Variants in DENND1B observed in about 807,000 individuals in gnomAD.
The protein encoded by DENND1B is DENN domain containing 1B, also known as DENN domain-containing protein 1B.
A neutral mutation model predicts 90.1 loss-of-function variants in DENND1B; 59 were observed. The observed-to-expected ratio is 0.65, with a 90% CI of 0.53 to 0.81. The LOEUF is 0.81. DENND1B is among the 40% of genes least tolerant of loss of function. The pLI is 0.00. For synonymous variants in DENND1B, 337 were observed against 324.6 expected (o/e 1.04, Z -0.41); for missense variants, 862 against 912.6 (o/e 0.94, Z 0.71).
At chr1:197,630,405 C>T (rs1451855824) in intron 10 of DENND1B, among the ~76,000 whole-genome samples, 1 of 152,002 alleles carries the variant, frequency 6.6e-6, no homozygotes. Flanking sequence ...CTGAACAGCT[C>T]CCTTGAAGCT....
chr1:197,612,584 A>G lies in DENND1B; in HGVS notation c.774-608T>C, dbSNP rs185872533. ...CTGTGCTATCTTTCCCCTCATGTAC[A>G]TTGTCTTTTATTTACCTAATTTTAT... On this transcript the variant is annotated intron_variant, in intron 11 of 22. Transcript: ENST00000620048. Among the ~76,000 whole-genome samples the G allele has an allele frequency of 3.4e-3, 513 of 150,708 alleles. 3 individuals are homozygous for G. Among genetic ancestry groups the G allele is most frequent in the African/African-American group, 0.011 (470 of 41,332 alleles).
intron 3 of DENND1B, among the ~76,000 whole-genome samples, chr1:197,683,599 C>T (rs1656916814): frequency 6.6e-6 from 1 of 151,966 alleles, no homozygotes; most frequent in African/African-American, 2.4e-5. Flanking sequence ...CTGGGACTCG[C>T]ACTGATTAAA....
chr1:197,574,105 A>T (rs535372088), intron 15 of DENND1B, among the ~76,000 whole-genome samples: 1 of 152,354 alleles, frequency 6.6e-6, no homozygotes, highest in South Asian at 2.1e-4. Context: ...ATCAGGCAAG[A>T]GAAAGAAATA....
chr1:197,604,760 C>T (rs1189876209), intron 13 of DENND1B, among the ~76,000 whole-genome samples: 1 of 151,072 alleles, frequency 6.6e-6, no homozygotes, highest in African/African-American at 2.4e-5. Flanking sequence ...TTAGTAAGAT[C>T]ATTTGTGATT....
At chr1:197,690,483 G>T in intron 3 of DENND1B, 1 of 169,144 alleles carries the variant, frequency 5.9e-6, no homozygotes, top group South Asian at 1.4e-4. Context: ...CTGGAGTGTT[G>T]AGAGCTTCTC....
chr1:197,644,481 G>A (rs549184630), intron 9 of DENND1B, among the ~76,000 whole-genome samples: 40 of 152,298 alleles, frequency 2.6e-4, no homozygotes, highest in African/African-American at 9.1e-4. Flanking sequence ...AGAGTAGACG[G>A]AAGCAAATTT....
At chr1:197,770,781 TATAA>T (rs1469697145) in intron 2 of DENND1B, among the ~76,000 whole-genome samples, 14 of 141,732 alleles carry the variant, frequency 9.9e-5, no homozygotes, top group South Asian at 4.2e-4. Context: ...TCTATAAATA[TATAA>T]ATATATATCT....
Position 197,578,163 on chromosome 1 carries a change from T to C in DENND1B, c.1149+4989A>G, listed in dbSNP as rs538842358. 9.2e-5 allele frequency among the ~76,000 whole-genome samples: 14 copies of C among 152,312 alleles called. No individual in the cohort carries two copies. The South Asian group carries it at 2.7e-3, about 29-fold the overall frequency. The stretch of plus-strand genomic sequence containing the variant: ...AAATAGGTTTTTGAGATCTACTGCA[T>C]GGTACAGTGACCACAGTTAATACTA... On this transcript the variant is annotated intron_variant, in intron 15 of 22. Transcript: ENST00000620048.
intron 17 of DENND1B, 115 bp from the exon 18 acceptor site, chr1:197,546,105 A>G (rs1270511591): frequency 4.3e-6 from 3 of 698,440 alleles, no homozygotes; most frequent in Admixed American, 4.2e-5. Flanking sequence ...CAACTTAAAG[A>G]CCTATACAAA....
At chr1:197,773,909 T>C (rs1193644609) in intron 1 of DENND1B, among the ~76,000 whole-genome samples, 3 of 152,220 alleles carry the variant, frequency 2.0e-5, no homozygotes, top group Non-Finnish European at 4.4e-5. Flanking sequence ...CTGTATTTAA[T>C]ATGTACTTCC....
chr1:197,625,802 G>C (rs1678646883), intron 10 of DENND1B, among the ~76,000 whole-genome samples: 1 of 151,968 alleles, frequency 6.6e-6, no homozygotes, highest in South Asian at 2.1e-4. Context: ...TAGGACATAG[G>C]CTCAAAATAA....
Position 197,600,876 on chromosome 1 carries a change from C to G in DENND1B, c.922-5543G>C, listed in dbSNP as rs549809595. Among the ~76,000 whole-genome samples the G allele has an allele frequency of 2.0e-5, 3 of 151,812 alleles. No homozygotes were observed. In the South Asian group the frequency reaches 6.2e-4, roughly 32 times the overall value. On this transcript the variant is annotated intron_variant, in intron 13 of 22. Transcript: ENST00000620048. ...TGCCACGTCATAAGAAAAATGAAAC[C>G]TCAGGCTTGCAACCTTTACTATTAA...
intron 10 of DENND1B, among the ~76,000 whole-genome samples, chr1:197,628,869 T>C (rs1489500180): frequency 1.2e-4 from 18 of 151,426 alleles, no homozygotes; most frequent in East Asian, 3.9e-4. Context: ...GGGCGAAGGA[T>C]ATGAACAGAC....
At chr1:197,551,700 G>A (rs958629651) in intron 16 of DENND1B, among the ~76,000 whole-genome samples, 4 of 152,016 alleles carry the variant, frequency 2.6e-5, no homozygotes, top group Non-Finnish European at 4.4e-5. Context: ...CTAGCCCCAC[G>A]GGTCATAAAG....
At chr1:197,529,624 C>T (rs990776551) in intron 20 of DENND1B, among the ~76,000 whole-genome samples, 5 of 151,782 alleles carry the variant, frequency 3.3e-5, no homozygotes, top group Admixed American at 2.6e-4. Flanking sequence ...GACTAAGCCA[C>T]GCATGGCTAA....
Position 197,542,941 on chromosome 1 carries a change from A to ATTTAT in DENND1B, c.1351-1927_1351-1926insATAAA, listed in dbSNP as rs1183054826. Among the ~76,000 whole-genome samples, 5 of 151,134 alleles carry ATTTAT rather than the reference A, an allele frequency of 3.3e-5. No homozygotes were observed. The East Asian group carries it at 7.8e-4, about 24-fold the overall frequency. On this transcript the variant is annotated intron_variant, in intron 18 of 22. Coordinates refer to ENST00000620048, the MANE Select transcript of DENND1B (RefSeq NM_001195215.2). ...TTTTTATTTATTTATTTATTTATTTATTTTTTTCCCTGAGACAAAGTCTCA... is the reference window on the plus strand; with the variant it reads ...TTTTTATTTATTTATTTATTTATTTATTTATTTTTTTTCCCTGAGACAAAGTCTCA...
intron 10 of DENND1B, among the ~76,000 whole-genome samples, chr1:197,626,087 C>T: frequency 6.6e-6 from 1 of 152,024 alleles, no homozygotes; most frequent in South Asian, 2.1e-4. Flanking sequence ...ACTTTAACAC[C>T]CCACTGTCAA....
intron 2 of DENND1B, among the ~76,000 whole-genome samples, chr1:197,738,849 C>T (rs1216870507): frequency 6.6e-6 from 1 of 152,134 alleles, no homozygotes; most frequent in East Asian, 1.9e-4. Flanking sequence ...ACAAGGTAAG[C>T]CTTACAATTG....
At chr1:197,560,725 A>G (rs964990443) in intron 15 of DENND1B, among the ~76,000 whole-genome samples, 4 of 151,802 alleles carry the variant, frequency 2.6e-5, no homozygotes, top group African/African-American at 9.7e-5. Flanking sequence ...ATAAACCTCA[A>G]CCTCCAATAG....
Sources: allele counts gnomAD v4.1 joint callset (sites outside exome capture counted in the v4.1 genomes callset), GRCh38; gene constraint gnomAD v4.1.1; transcripts MANE v1.5; gene names NCBI Gene and HGNC (gene_info 2026-07-23, HGNC 2026-07-21).